Variants in LIMA1 observed in about 807,000 individuals in gnomAD.
LIMA1 encodes the protein LIM domain and actin binding 1, also known as LIM domain and actin-binding protein 1.
In LIMA1, 52 loss-of-function variants were observed where a neutral mutation model predicts 62.6. That is an observed-to-expected ratio of 0.83 (90% CI 0.67 to 1.05). LIMA1 has a LOEUF of 1.05. Ranked by LOEUF, LIMA1 falls within the 50% of genes least tolerant of loss-of-function variation. LIMA1 has a pLI of 0.00. For missense variants in LIMA1, 780 were observed against 902.2 expected, an observed-to-expected ratio of 0.86 and a Z score of 1.74; for synonymous variants, 302 against 317.8, an observed-to-expected ratio of 0.95 and a Z score of 0.53.
chr12:50,240,102 C>T (rs780787808), intron 2 of LIMA1, among the ~76,000 whole-genome samples: 1 of 149,714 alleles, frequency 6.7e-6, no homozygotes, highest in Admixed American at 6.7e-5. Flanking sequence ...GAGAAAATGA[C>T]CTGTAGGCTG....
At position 50,212,065 on chromosome 12, in the gene LIMA1, G is replaced by A. The variant is rs117863874; in HGVS notation, c.631-5997C>T. On this transcript the variant is annotated intron_variant, in intron 4 of 10. Transcript: ENST00000341247. ...TTCTCTGTGAATCCATAAATCAAAC[G>A]CACCAAGATGTACTAGTAAGAGGAT... 4.9e-4 allele frequency among the ~76,000 whole-genome samples: 74 copies of A among 152,168 alleles called. No homozygotes were observed. The East Asian group carries it at 0.014, about 28-fold the overall frequency.
intron 1 of LIMA1, among the ~76,000 whole-genome samples, chr12:50,281,406 G>A (rs1266364214): frequency 6.6e-6 from 1 of 152,142 alleles, no homozygotes; most frequent in East Asian, 1.9e-4. Context: ...ACCAAGATGT[G>A]AATTGTTTTA....
intron 2 of LIMA1, among the ~76,000 whole-genome samples, chr12:50,240,208 C>A (rs1941757301): frequency 6.6e-6 from 1 of 152,018 alleles, no homozygotes. Flanking sequence ...GGCCTCAAGG[C>A]AAGAAAGTGT....
intron 4 of LIMA1, among the ~76,000 whole-genome samples, chr12:50,217,493 C>CT (rs76180466): frequency 0.032 from 4,521 of 142,504 alleles, 200 homozygotes; most frequent in African/African-American, 0.1. Context: ...GAAGTAAAAT[C>CT]TTTTTTTTTT....
chr12:50,194,818 C>A (rs139886018), intron 8 of LIMA1, among the ~76,000 whole-genome samples: 8 of 151,526 alleles, frequency 5.3e-5, no homozygotes, highest in African/African-American at 1.9e-4. Flanking sequence ...GAGGCCGAGG[C>A]GGGTGGATTG....
intron 7 of LIMA1, among the ~76,000 whole-genome samples, chr12:50,196,493 C>T (rs564375342): frequency 7.9e-5 from 12 of 152,170 alleles, no homozygotes; most frequent in Admixed American, 2.6e-4. Flanking sequence ...GCAGATCTTA[C>T]GTATAGGTGT....
intron 2 of LIMA1, 65 bp from the exon 3 acceptor site, chr12:50,231,775 A>T (rs1005973159): frequency 1.3e-6 from 2 of 1,513,708 alleles, no homozygotes; most frequent in Non-Finnish European, 1.8e-6. Context: ...TCAATTTTTT[A>T]TCTTTTTTTG....
chr12:50,221,531 GA>G (rs1307845670), intron 4 of LIMA1, among the ~76,000 whole-genome samples: 1 of 152,158 alleles, frequency 6.6e-6, no homozygotes, highest in Non-Finnish European at 1.5e-5. Context: ...TTAGCTGATA[GA>G]AAACATTTGT....
chr12:50,200,169 A>G (rs1435498186), intron 7 of LIMA1, among the ~76,000 whole-genome samples: 1 of 152,144 alleles, frequency 6.6e-6, no homozygotes, highest in African/African-American at 2.4e-5. Context: ...TGCTGGGATT[A>G]CAGGCGTGAG....
chr12:50,248,793 C>A lies in LIMA1; in HGVS notation c.-23-19G>T. On this transcript the variant is annotated intron_variant, in intron 1 of 10. Transcript: ENST00000341247. ...GAAATACCTATGCAATAAAGAAAGT[C>A]AGAACATTAGACACAGAAGAGGATT... The A allele has an allele frequency of 2.5e-6, 3 of 1,206,648 alleles. No individual in the cohort carries two copies. The South Asian group carries it at 3.7e-5, about 15-fold the overall frequency. The allele number at this position is 1,206,648 out of a possible 1,614,324, so 74.7% of individuals were successfully genotyped here.
chr12:50,261,042 A>AGTTTTTTTTTTT (rs1942062570), intron 1 of LIMA1, among the ~76,000 whole-genome samples: 1 of 54,292 alleles, frequency 1.8e-5, no homozygotes. Context: ...CATCTAGTAT[A>AGTTTTTTTTTTT]TTTTTTTTTT....
intron 6 of LIMA1, chr12:50,201,906 AAAAATAAAAT>A (rs1328336198): frequency 6.6e-6 from 1 of 152,244 alleles, no homozygotes; most frequent in Non-Finnish European, 1.5e-5. Context: ...CTCAAAATAA[AAAAATAAAAT>A]AAAATAAAAT....
rs1300747583 is a variant in LIMA1, at chr12:50,182,054, G to A, written c.1141-17C>T. The A allele has an allele frequency of 6.2e-7, 1 of 1,612,162 alleles. No homozygotes were observed. The highest frequency in any genetic ancestry group is 1.1e-5 in the South Asian group (1 of 90,996). ...CTGAAACTTCTAGGAAAAACAAAAA[G>A]ACAACTTTAGCATGGGCAGCGATGA... On this transcript the variant is annotated splice_polypyrimidine_tract_variant and intron_variant, in intron 9 of 10. Coordinates refer to ENST00000341247, the MANE Select transcript of LIMA1 (RefSeq NM_016357.5).
At chr12:50,275,322 T>C (rs926153290) in intron 1 of LIMA1, among the ~76,000 whole-genome samples, 3 of 152,090 alleles carry the variant, frequency 2.0e-5, no homozygotes, top group African/African-American at 7.2e-5. Flanking sequence ...GAGCTGAGAT[T>C]GCGCCATTGC....
intron 3 of LIMA1, among the ~76,000 whole-genome samples, chr12:50,231,133 G>A (rs867048059): frequency 1.3e-5 from 2 of 152,128 alleles, no homozygotes; most frequent in South Asian, 2.1e-4. Flanking sequence ...CAGCCTCACC[G>A]GAAGTTAGCA....
chr12:50,251,380 G>C (rs919313725), intron 1 of LIMA1, among the ~76,000 whole-genome samples: 4 of 152,072 alleles, frequency 2.6e-5, no homozygotes, highest in Non-Finnish European at 4.4e-5. Flanking sequence ...CAGCACTTTG[G>C]GAGGCCGAGG....
chr12:50,192,062 G>T (rs146556649), intron 9 of LIMA1, among the ~76,000 whole-genome samples: 3 of 151,198 alleles, frequency 2.0e-5, no homozygotes, highest in Admixed American at 6.6e-5. Context: ...TTGAACATGG[G>T]GGGGCGGAGG....
chr12:50,180,163 T>C (rs1344860568), intron 10 of LIMA1, among the ~76,000 whole-genome samples: 2 of 151,958 alleles, frequency 1.3e-5, no homozygotes, highest in Non-Finnish European at 2.9e-5. Flanking sequence ...TAGCCAGGCA[T>C]GTTGCACACG....
chr12:50,280,008 T>C (rs1942319364), intron 1 of LIMA1, among the ~76,000 whole-genome samples: 1 of 152,054 alleles, frequency 6.6e-6, no homozygotes, highest in Admixed American at 6.5e-5. Flanking sequence ...TGAAGGACTG[T>C]AAAGTTTTCC....
Sources: allele counts gnomAD v4.1 joint callset (sites outside exome capture counted in the v4.1 genomes callset), GRCh38; gene constraint gnomAD v4.1.1; transcripts MANE v1.5; gene names NCBI Gene and HGNC (gene_info 2026-07-23, HGNC 2026-07-21).